RBFOX1: variants seen among roughly 807,000 people sequenced by gnomAD.
RBFOX1 encodes RNA binding fox-1 homolog 1, also known as RNA binding protein fox-1 homolog 1.
Under a neutral mutation model 57.7 loss-of-function variants are expected in RBFOX1, and 8 were observed. That is an observed-to-expected ratio of 0.14 (90% CI 0.08 to 0.25). The LOEUF (loss-of-function observed/expected upper bound fraction) is 0.25, where lower values mean the gene tolerates loss of function less well. RBFOX1 is among the 10% of genes least tolerant of loss of function. The pLI, the probability that RBFOX1 is intolerant of heterozygous loss-of-function variation, is 1.00. For missense variants in RBFOX1, 611 were observed against 548.5 expected (o/e 1.11, Z -1.14); for synonymous variants, 326 against 222.4 (o/e 1.47, Z -4.15).
intron 4 of RBFOX1, among the ~76,000 whole-genome samples, chr16:5,908,354 C>A (rs74515086): frequency 1.4e-5 from 1 of 72,116 alleles, no homozygotes; most frequent in Non-Finnish European, 3.2e-5. Context: ...GTGTGTGTGT[C>A]TGTGTGTGTT....
At chr16:6,936,610 A>G (rs187582317) in intron 3 of RBFOX1, among the ~76,000 whole-genome samples, 6 of 152,106 alleles carry the variant, frequency 3.9e-5, no homozygotes, top group African/African-American at 1.4e-4. Context: ...TGACATCCCT[A>G]TAAAATATTC....
intron 2 of RBFOX1, among the ~76,000 whole-genome samples, chr16:6,460,428 G>T (rs1457408648): frequency 1.3e-5 from 2 of 151,636 alleles, no homozygotes; most frequent in African/African-American, 4.8e-5. Context: ...CCATAGAAAA[G>T]TGGGCAAAGG....
rs76077575 is a variant in RBFOX1 at position 6,269,666 on chromosome 16, A to G, written c.-126-47329A>G. Among the ~76,000 whole-genome samples the G allele has an allele frequency of 4.9e-4, 74 of 152,322 alleles. No individual in the cohort carries two copies. The East Asian group carries it at 0.014, about 29-fold the overall frequency. On this transcript the variant is annotated intron_variant, in intron 1 of 15. Transcript: ENST00000550418. ...CTCCTTCGGAGATGAAGGAGAAATC[A>G]AGACATTTTCAGATGAAGAAAAACT...
intron 2 of RBFOX1, among the ~76,000 whole-genome samples, chr16:5,559,563 C>T (rs1309199434): frequency 1.3e-5 from 2 of 152,214 alleles, no homozygotes; most frequent in Non-Finnish European, 2.9e-5. Flanking sequence ...GATTGATCCA[C>T]ACCTCCTTCC....
Position 7,635,613 on chromosome 16 carries a change from G to C in RBFOX1, c.757+4930G>C, listed in dbSNP as rs375523595. On this transcript the variant is annotated intron_variant, in intron 11 of 15. Transcript: ENST00000550418. The stretch of plus-strand genomic sequence containing the variant: ...GTTATTAGTTTGACTTTACAGAGGA[G>C]AGTATACACAGATGTTACATGGACA... Among the ~76,000 whole-genome samples the C allele has an allele frequency of 1.3e-4, 20 of 152,084 alleles. No homozygotes were observed. In the South Asian group the frequency reaches 3.5e-3, roughly 27 times the overall value.
At chr16:7,179,641 G>T (rs1411424348) in intron 4 of RBFOX1, among the ~76,000 whole-genome samples, 3 of 152,048 alleles carry the variant, frequency 2.0e-5, no homozygotes, top group Admixed American at 6.6e-5. Flanking sequence ...CATAGGGGGA[G>T]ATTCCAACAG....
intron 3 of RBFOX1, among the ~76,000 whole-genome samples, chr16:6,978,415 CAT>C (rs892719213): frequency 6.6e-6 from 1 of 152,170 alleles, no homozygotes; most frequent in African/African-American, 2.4e-5. Context: ...TCACCGAACA[CAT>C]GATATCTGGA....
At chr16:7,385,083 C>A (rs186835696) in intron 4 of RBFOX1, among the ~76,000 whole-genome samples, 1 of 152,182 alleles carries the variant, frequency 6.6e-6, no homozygotes, top group Non-Finnish European at 1.5e-5. Flanking sequence ...ATGAACAGAT[C>A]CCTGGAAAAT....
chr16:5,445,428 T>C (rs184694650), intron 1 of RBFOX1, among the ~76,000 whole-genome samples: 4 of 152,326 alleles, frequency 2.6e-5, no homozygotes, highest in African/African-American at 9.6e-5. Context: ...CTCTTATTTA[T>C]GACTATCCTT....
chr16:7,629,821 A>G (rs2142574844), intron 10 of RBFOX1, among the ~76,000 whole-genome samples: 1 of 152,348 alleles, frequency 6.6e-6, no homozygotes, highest in South Asian at 2.1e-4. Context: ...GCTGCAATGC[A>G]GCCGCAGTTT....
intron 3 of RBFOX1, among the ~76,000 whole-genome samples, chr16:5,616,499 G>A (rs955292550): frequency 6.6e-6 from 1 of 151,992 alleles, no homozygotes. Flanking sequence ...TGCTGCCACC[G>A]TGAATACGAG....
intron 1 of RBFOX1, among the ~76,000 whole-genome samples, chr16:5,359,518 C>T (rs557801656): frequency 2.1e-4 from 32 of 152,282 alleles, no homozygotes; most frequent in East Asian, 1.2e-3. Flanking sequence ...AACTGGGGTG[C>T]GATGGCATCT....
chr16:7,205,716 G>A (rs1302095991), intron 4 of RBFOX1, among the ~76,000 whole-genome samples: 1 of 152,152 alleles, frequency 6.6e-6, no homozygotes, highest in Non-Finnish European at 1.5e-5. Context: ...GCAGTCTTTG[G>A]TGATGGGCAG....
At chr16:7,641,803 T>C (rs754853068) in intron 11 of RBFOX1, among the ~76,000 whole-genome samples, 6 of 152,158 alleles carry the variant, frequency 3.9e-5, no homozygotes, top group African/African-American at 9.7e-5. Flanking sequence ...TGGCCAAGTC[T>C]CCTCGCCATG....
Position 5,469,851 on chromosome 16 carries a change from A to G in RBFOX1, c.258+2597A>G, listed in dbSNP as rs2069075440. 2.0e-5 allele frequency among the ~76,000 whole-genome samples: 3 copies of G among 152,212 alleles called. No homozygotes were observed. The South Asian group carries it at 6.2e-4, about 31-fold the overall frequency. On this transcript the variant is annotated intron_variant, in intron 2 of 2. Coordinates refer to the RBFOX1 transcript ENST00000585867. ...AGCATTCTCTCCTTTTTATGGCTGA[A>G]TAATATTCCATTGGAAGGCAAGACC... is the stretch of plus-strand genomic sequence containing the variant.
At chr16:6,974,415 G>C (rs1223989626) in intron 3 of RBFOX1, among the ~76,000 whole-genome samples, 1 of 122,072 alleles carries the variant, frequency 8.2e-6, no homozygotes, top group African/African-American at 3.2e-5. Flanking sequence ...TACAATCTCA[G>C]TTCACTGCAA....
chr16:6,758,302 A>G (rs1242643440), intron 3 of RBFOX1, among the ~76,000 whole-genome samples: 1 of 152,096 alleles, frequency 6.6e-6, no homozygotes, highest in East Asian at 1.9e-4. Flanking sequence ...AAAATGTCCC[A>G]ATAAAAATTT....
intron 1 of RBFOX1, among the ~76,000 whole-genome samples, chr16:5,373,175 G>A (rs996141010): frequency 3.3e-5 from 5 of 152,174 alleles, no homozygotes; most frequent in Non-Finnish European, 7.3e-5. Context: ...ACACACAGCT[G>A]CTGCAGCATT....
chr16:5,931,240 A>G (rs910489923), intron 4 of RBFOX1, among the ~76,000 whole-genome samples: 1 of 152,142 alleles, frequency 6.6e-6, no homozygotes, highest in African/African-American at 2.4e-5. Flanking sequence ...AAAAGAAAAA[A>G]GTGCCTTTCT....
Sources: gnomAD v4.1 joint callset for allele counts (sites outside exome capture counted in the v4.1 genomes callset) on GRCh38, gnomAD v4.1.1 for gene constraint, MANE v1.5 for transcripts, NCBI Gene and HGNC (gene_info 2026-07-23, HGNC 2026-07-21) for gene names.